The following FAP variants were observed in gnomAD, a reference collection of about 807,000 sequenced individuals.
The protein encoded by FAP is fibroblast activation protein alpha.
A neutral mutation model predicts 126.5 loss-of-function variants in FAP; 110 were observed. That is an observed-to-expected ratio of 0.87 (90% CI 0.74 to 1.02). The LOEUF is 1.02. Among genes scored for constraint, FAP ranks in the 50% least tolerant of loss-of-function variants. The pLI is 0.00. For missense variants in FAP, 919 were observed against 909.2 expected (o/e 1.01, Z -0.14); for synonymous variants, 334 against 297.3 (o/e 1.12, Z -1.27).
chr2:162,229,185 T>C (rs1227848946), intron 2 of FAP, among the ~76,000 whole-genome samples: 1 of 152,186 alleles, frequency 6.6e-6, no homozygotes, highest in African/African-American at 2.4e-5. Flanking sequence ...AAGACATTTA[T>C]AGCTATAATT....
At chr2:162,219,271 G>A (rs1330368934) in intron 7 of FAP, 88 bp from the exon 8 acceptor site, 2 of 1,260,556 alleles carry the variant, frequency 1.6e-6, no homozygotes, top group South Asian at 1.5e-5. Flanking sequence ...CCTTTAAACA[G>A]AGTGGTAATA....
At chr2:162,223,759 A>T in intron 5 of FAP, 99 bp from the exon 6 acceptor site, 1 of 747,542 alleles carries the variant, frequency 1.3e-6, no homozygotes, top group South Asian at 1.6e-5. Context: ...GTTCAGAATT[A>T]TAAAAGGACT....
chr2:162,222,646 ATTG>A (rs1689457920), intron 6 of FAP, among the ~76,000 whole-genome samples: 1 of 152,180 alleles, frequency 6.6e-6, no homozygotes, highest in Non-Finnish European at 1.5e-5. Flanking sequence ...AAGGCAATTC[ATTG>A]TCCACACTTA....
At chr2:162,192,211 CA>C (rs1688072608) in intron 17 of FAP, among the ~76,000 whole-genome samples, 1 of 152,136 alleles carries the variant, frequency 6.6e-6, no homozygotes, top group Non-Finnish European at 1.5e-5. Flanking sequence ...CTTACTTATG[CA>C]GACCTAATTT....
chr2:162,186,955 G>A (rs1232160614), intron 20 of FAP, among the ~76,000 whole-genome samples: 1 of 152,022 alleles, frequency 6.6e-6, no homozygotes, highest in African/African-American at 2.4e-5. Context: ...AAGAAAGAGG[G>A]AGCTTCCAGA....
intron 2 of FAP, among the ~76,000 whole-genome samples, chr2:162,228,980 T>C (rs867191293): frequency 6.6e-6 from 1 of 152,190 alleles, no homozygotes; most frequent in African/African-American, 2.4e-5. Context: ...TTTAAAAATG[T>C]ATAAAGTCCA....
intron 14 of FAP, among the ~76,000 whole-genome samples, chr2:162,201,097 G>T (rs903785018): frequency 6.6e-6 from 1 of 152,170 alleles, no homozygotes; most frequent in South Asian, 2.1e-4. Context: ...AGATGCAAAA[G>T]AAGTCATAAG....
intron 21 of FAP, chr2:162,176,394 T>C (rs1687482956): frequency 6.6e-6 from 1 of 152,192 alleles, no homozygotes; most frequent in Non-Finnish European, 1.5e-5. Flanking sequence ...GGGCTCAGAT[T>C]GTACCATGGC....
chr2:162,191,795 T>C (rs982365632), intron 17 of FAP, among the ~76,000 whole-genome samples: 15 of 152,166 alleles, frequency 9.9e-5, no homozygotes, highest in Non-Finnish European at 1.8e-4. Flanking sequence ...GGGCCCTCCC[T>C]GACAATTCCA....
At position 162,236,188 on chromosome 2, in the gene FAP, G is replaced by T. The variant is rs190217102; in HGVS notation, c.91+6720C>A. Reference sequence around the variant, plus strand: ...TGGTGTGTAATCCTTTTTATATATTGCTGGATTTGGCATGCTGGTATTTTG... The same window carrying T: ...TGGTGTGTAATCCTTTTTATATATTTCTGGATTTGGCATGCTGGTATTTTG... On this transcript the variant is annotated intron_variant, in intron 2 of 25. Transcript: ENST00000188790. Among the ~76,000 whole-genome samples the T allele has an allele frequency of 5.8e-3, 888 of 151,978 alleles. 9 individuals carry two copies. The highest frequency in any genetic ancestry group is 0.02 in the African/African-American group (839 of 41,422).
intron 7 of FAP, 109 bp downstream of exon 7, chr2:162,219,744 C>A: frequency 1.3e-6 from 1 of 766,390 alleles, no homozygotes; most frequent in Non-Finnish European, 2.2e-6. Flanking sequence ...CTAAAATAGT[C>A]ATGAATGTAT....
At chr2:162,226,660 G>A in intron 2 of FAP, 39 bp from the exon 3 acceptor site, 2 of 1,084,178 alleles carry the variant, frequency 1.8e-6, no homozygotes, top group Middle Eastern at 2.0e-4. Context: ...TTAAAAAGAA[G>A]GTTAACAACT....
intron 25 of FAP, 163 bp downstream of exon 25, chr2:162,172,648 G>A: frequency 1.7e-6 from 1 of 579,384 alleles, no homozygotes; most frequent in East Asian, 2.8e-5. Flanking sequence ...TCCTTCAGTA[G>A]TTAAAGAAAG....
intron 16 of FAP, chr2:162,197,717 A>G: frequency 2.2e-6 from 1 of 450,670 alleles, no homozygotes; most frequent in Non-Finnish European, 4.5e-6. Context: ...GGTTCCCTTT[A>G]TGAGATCTTC....
chr2:162,193,166 GA>G (rs1167060306), intron 17 of FAP, among the ~76,000 whole-genome samples: 8 of 152,128 alleles, frequency 5.3e-5, no homozygotes, highest in Non-Finnish European at 8.8e-5. Flanking sequence ...ATGTAAATAA[GA>G]GACACAGCAT....
chr2:162,213,307 C>T (rs528806738), intron 11 of FAP, among the ~76,000 whole-genome samples: 3 of 151,122 alleles, frequency 2.0e-5, no homozygotes, highest in Admixed American at 6.6e-5. Context: ...ACCTGGGAGA[C>T]GGAGGTTGCA....
At chr2:162,183,840 A>G (rs939704237) in intron 20 of FAP, among the ~76,000 whole-genome samples, 2 of 152,076 alleles carry the variant, frequency 1.3e-5, no homozygotes, top group African/African-American at 4.8e-5. Flanking sequence ...GCTATCGGAA[A>G]GAAGGATTTT....
intron 2 of FAP, among the ~76,000 whole-genome samples, chr2:162,234,378 T>G (rs1413014486): frequency 6.6e-6 from 1 of 152,140 alleles, no homozygotes; most frequent in African/African-American, 2.4e-5. Context: ...CTTTTTGGAT[T>G]GCTCATTGAG....
chr2:162,211,917 A>G (rs1688951798), intron 11 of FAP, among the ~76,000 whole-genome samples: 1 of 152,148 alleles, frequency 6.6e-6, no homozygotes, highest in African/African-American at 2.4e-5. Flanking sequence ...GTGTGCGCAC[A>G]CACACACACA....
Sources: gnomAD v4.1 joint callset for allele counts (sites outside exome capture counted in the v4.1 genomes callset) on GRCh38, gnomAD v4.1.1 for gene constraint, MANE v1.5 for transcripts, NCBI Gene and HGNC (gene_info 2026-07-23, HGNC 2026-07-21) for gene names.